Variants in MYH11 observed in about 807,000 individuals in gnomAD.
The protein encoded by MYH11 is myosin-11.
In MYH11, 80 loss-of-function variants were observed where a neutral mutation model predicts 246.6. The ratio of observed to expected loss-of-function variants is 0.32; its 90% confidence interval spans 0.27 to 0.39. The LOEUF (loss-of-function observed/expected upper bound fraction) is 0.39. MYH11 is among the 10% of genes least tolerant of loss of function. The probability of loss-of-function intolerance (pLI) is 1.00; values close to 1 mark genes in which losing one functional copy is unlikely to be tolerated. For synonymous variants in MYH11, 1,071 were observed against 1,015.5 expected, an observed-to-expected ratio of 1.05 and a Z score of -1.04; for missense variants, 2,158 against 2,546.8, an observed-to-expected ratio of 0.85 and a Z score of 3.29.
At chr16:15,842,622 G>C (rs867515458) in intron 1 of MYH11, among the ~76,000 whole-genome samples, 45 of 151,394 alleles carry the variant, frequency 3.0e-4, no homozygotes, top group African/African-American at 1.1e-3. Flanking sequence ...ATATTAGCTG[G>C]GCTTGGTGGC....
intron 31 of MYH11, among the ~76,000 whole-genome samples, chr16:15,722,289 T>TA: frequency 6.6e-6 from 1 of 152,170 alleles, no homozygotes; most frequent in East Asian, 1.9e-4. Context: ...ATTAATATCT[T>TA]ACAAAAGTAT....
chr16:15,840,586 G>A (rs1438686621), intron 1 of MYH11, among the ~76,000 whole-genome samples: 1 of 152,096 alleles, frequency 6.6e-6, no homozygotes, highest in Admixed American at 6.6e-5. Context: ...TTAAAAATTA[G>A]CCTGGCACGG....
intron 5 of MYH11, chr16:15,784,626 A>C: frequency 1.3e-6 from 2 of 1,559,644 alleles, no homozygotes; most frequent in Non-Finnish European, 1.8e-6. Context: ...CGGTGGGTGC[A>C]AGAGGATCAT....
intron 15 of MYH11, among the ~76,000 whole-genome samples, chr16:15,751,640 C>T (rs1210062534): frequency 7.4e-6 from 1 of 135,922 alleles, no homozygotes; most frequent in Non-Finnish European, 1.5e-5. Flanking sequence ...TTGAGACAAG[C>T]TCTCACTCTG....
intron 6 of MYH11, among the ~76,000 whole-genome samples, chr16:15,779,632 C>G (rs1316332784): frequency 6.6e-6 from 1 of 151,530 alleles, no homozygotes; most frequent in Non-Finnish European, 1.5e-5. Context: ...ATGGATTAAA[C>G]CTTTTCTGTG....
intron 9 of MYH11, among the ~76,000 whole-genome samples, chr16:15,770,238 C>T (rs1173786190): frequency 6.6e-6 from 1 of 152,188 alleles, no homozygotes; most frequent in East Asian, 1.9e-4. Context: ...CTGACCCATA[C>T]AGCCTAATTT....
chr16:15,723,004 A>C (rs1272849245), intron 31 of MYH11, among the ~76,000 whole-genome samples: 2 of 152,102 alleles, frequency 1.3e-5, no homozygotes, highest in Non-Finnish European at 2.9e-5. Flanking sequence ...TCAGCCTCCC[A>C]AAGTGCTAGG....
chr16:15,737,708 G>A (rs2041162154), intron 24 of MYH11, 88 bp from the exon 25 acceptor site: 3 of 1,445,872 alleles, frequency 2.1e-6, no homozygotes, highest in East Asian at 2.3e-5. Context: ...TTTACCCGGA[G>A]GAGATGAACA....
intron 28 of MYH11, chr16:15,725,604 G>T (rs2040714887): frequency 2.5e-6 from 1 of 405,536 alleles, no homozygotes; most frequent in South Asian, 1.1e-4. Flanking sequence ...TTGACAAGGA[G>T]GATATGAATG....
intron 36 of MYH11, 67 bp from the exon 37 acceptor site, chr16:15,718,505 G>A: frequency 4.6e-6 from 7 of 1,530,614 alleles, no homozygotes; most frequent in African/African-American, 1.4e-5. Context: ...CCCCTCCTTG[G>A]AGTCATGCCT....
intron 32 of MYH11, 94 bp downstream of exon 32, chr16:15,721,328 A>G: frequency 7.1e-7 from 1 of 1,408,116 alleles, no homozygotes; most frequent in Non-Finnish European, 1.0e-6. Context: ...TTCGCTATGA[A>G]AAAGGCCAGG....
chr16:15,738,584 A>G lies in MYH11; in HGVS notation c.3102T>C (p.Ser1034=), dbSNP rs181744522. 844 of 1,613,648 alleles carry G rather than the reference A, an allele frequency of 5.2e-4. 3 individuals are homozygous for G. The highest frequency in any genetic ancestry group is 4.2e-4 in the Admixed American group (25 of 59,972). ...GTTTACCTTCCAGTTCTGAAATCAT[A>G]GATTCATGCTTGTTTTTCAGCTTGG... ...NLTKLKNKHE[S]MISELEVRLK... The change falls in exon 24 of 41, where the codon TCT becomes TCC. Residue 1034 remains serine, a synonymous_variant. Coordinates refer to ENST00000300036, the MANE Select transcript of MYH11 (RefSeq NM_002474.3).
rs1246060293 is a variant in MYH11, at chr16:15,715,025, C to T, written c.5670G>A (p.Glu1890=). ...TGGCGTTGATGCGCTGGGACTCCTC[C>T]TCTGCCTCCTCCAGCTGCCTCTTGA... ...KQLKRQLEEA[E]EESQRINANR... is the part of the protein sequence containing the mutation. Residue 1890 remains glutamate (E), a synonymous_variant, in exon 40 of 41, where the codon GAG becomes GAA. Transcript: ENST00000300036. 5 of 1,613,922 alleles carry T rather than the reference C, an allele frequency of 3.1e-6. No individual in the cohort carries two copies. Among genetic ancestry groups the T allele is most frequent in the Non-Finnish European group, 4.2e-6 (5 of 1,180,032 alleles).
chr16:15,724,528 G>A (rs1218187537), intron 30 of MYH11, 119 bp from the exon 31 acceptor site: 4 of 1,605,860 alleles, frequency 2.5e-6, no homozygotes, highest in Non-Finnish European at 3.4e-6. Flanking sequence ...CCAATAGCAG[G>A]GGAAGCTGGG....
Position 15,735,091 on chromosome 16 carries a change from A to G in MYH11, c.3506+275T>C, listed in dbSNP as rs80225998. The stretch of plus-strand genomic sequence containing the variant: ...CTACTCAGGAGGCTGAGGCATGAGA[A>G]TCGCTTAAATCTCAGAGGTGGAGGT... On this transcript the variant is annotated intron_variant, in intron 26 of 40. Coordinates refer to ENST00000300036, the MANE Select transcript of MYH11 (RefSeq NM_002474.3). Among the ~76,000 whole-genome samples the G allele has an allele frequency of 0.033, 4,949 of 151,808 alleles. 114 individuals are homozygous for G. Among genetic ancestry groups the G allele is most frequent in the South Asian group, 0.068 (328 of 4,806 alleles).
chr16:15,742,585 A>G (rs2041304594), intron 20 of MYH11, among the ~76,000 whole-genome samples: 3 of 151,904 alleles, frequency 2.0e-5, no homozygotes, highest in Admixed American at 2.0e-4. Context: ...AAAACAAGTA[A>G]CCAGGCATGG....
At chr16:15,763,736 T>TCTGCTGGGGGGGGGC in intron 10 of MYH11, 60 bp downstream of exon 10, 1 of 776,510 alleles carries the variant, frequency 1.3e-6, no homozygotes. Context: ...TGGTTAAATG[T>TCTGCTGGGGGGGGGC]CACCTCCCCC....
chr16:15,833,419 C>A (rs76053540), intron 2 of MYH11, among the ~76,000 whole-genome samples: 2 of 78,420 alleles, frequency 2.6e-5, no homozygotes, highest in Non-Finnish European at 5.7e-5. Context: ...AAGGGAGGAA[C>A]GAACTAACTA....
In MYH11 at chr16:15,831,936, T is replaced by TA. The variant is rs1567207059; in HGVS notation, c.345+5971_345+5972insT. ...CTGCGTGACAGAGCGAGACTCCATG[T>TA]TAAAAAAAAAAAAAGATCAGAAGGG... On this transcript the variant is annotated intron_variant, in intron 2 of 40. Coordinates refer to ENST00000300036, the MANE Select transcript of MYH11 (RefSeq NM_002474.3). 1.3e-3 allele frequency among the ~76,000 whole-genome samples: 193 copies of TA among 151,034 alleles called. 1 individual carries two copies. The highest frequency in any genetic ancestry group is 4.4e-3 in the African/African-American group (182 of 41,138).
Sources: allele counts gnomAD v4.1 joint callset (sites outside exome capture counted in the v4.1 genomes callset), GRCh38; gene constraint gnomAD v4.1.1; transcripts MANE v1.5; gene names NCBI Gene and HGNC (gene_info 2026-07-23, HGNC 2026-07-21).